FBXO33: variants seen among roughly 807,000 people sequenced by gnomAD.
FBXO33 encodes F-box protein 33.
A neutral mutation model predicts 46.3 loss-of-function variants in FBXO33; 22 were observed. The ratio of observed to expected loss-of-function variants is 0.48; its 90% CI spans 0.34 to 0.68. The LOEUF (loss-of-function observed/expected upper bound fraction) is 0.68, where lower values mean the gene tolerates loss of function less well. Among genes scored for constraint, FBXO33 ranks in the 30% least tolerant of loss-of-function variants. The probability of loss-of-function intolerance (pLI) is 0.01; values close to 1 mark genes in which losing one functional copy is unlikely to be tolerated. For missense variants in FBXO33, 692 were observed against 708.8 expected, an observed-to-expected ratio of 0.98 and a Z score of 0.27; for synonymous variants, 337 against 291.3, an observed-to-expected ratio of 1.16 and a Z score of -1.60.
chr14:39,419,744 A>G (rs1000639076), intron 1 of FBXO33, among the ~76,000 whole-genome samples: 8 of 152,250 alleles, frequency 5.3e-5, no homozygotes, highest in African/African-American at 1.9e-4. Context: ...ACACTTGCTT[A>G]AAAGACATGT....
At chr14:39,424,468 T>C (rs2075501170) in intron 1 of FBXO33, among the ~76,000 whole-genome samples, 1 of 152,132 alleles carries the variant, frequency 6.6e-6, no homozygotes, top group South Asian at 2.1e-4. Flanking sequence ...TTCAAAAATA[T>C]TTGTTGAATA....
intron 1 of FBXO33, among the ~76,000 whole-genome samples, chr14:39,412,966 T>G (rs902258495): frequency 6.6e-6 from 1 of 152,250 alleles, no homozygotes; most frequent in African/African-American, 2.4e-5. Flanking sequence ...CAATATCGGA[T>G]GGCTACTCAC....
At chr14:39,405,063 G>A (rs1157929476) in intron 1 of FBXO33, among the ~76,000 whole-genome samples, 2 of 151,028 alleles carry the variant, frequency 1.3e-5, no homozygotes, top group African/African-American at 4.9e-5. Context: ...CAGGAGAATC[G>A]CGTGAACCTG....
intron 2 of FBXO33, among the ~76,000 whole-genome samples, chr14:39,402,120 T>C (rs551222095): frequency 6.6e-6 from 1 of 152,328 alleles, no homozygotes; most frequent in East Asian, 1.9e-4. Context: ...TATACCCGTT[T>C]AGTAGAAAAG....
intron 1 of FBXO33, among the ~76,000 whole-genome samples, chr14:39,418,793 A>G (rs1190404976): frequency 6.6e-6 from 1 of 151,832 alleles, no homozygotes; most frequent in Non-Finnish European, 1.5e-5. Context: ...AAAAAAACAA[A>G]AAAAAAACAA....
At chr14:39,422,705 T>A (rs1033951877) in intron 1 of FBXO33, among the ~76,000 whole-genome samples, 3 of 152,240 alleles carry the variant, frequency 2.0e-5, no homozygotes, top group Non-Finnish European at 4.4e-5. Context: ...TAAGACAATA[T>A]CTTTTTGACT....
intron 1 of FBXO33, among the ~76,000 whole-genome samples, chr14:39,430,179 G>A (rs1483017128): frequency 6.6e-6 from 1 of 152,168 alleles, no homozygotes; most frequent in Non-Finnish European, 1.5e-5. Context: ...CTCTGAGAAA[G>A]TCTCTAACCT....
chr14:39,409,262 G>T (rs1297054922), intron 1 of FBXO33, among the ~76,000 whole-genome samples: 1 of 151,980 alleles, frequency 6.6e-6, no homozygotes, highest in Non-Finnish European at 1.5e-5. Flanking sequence ...TTGATTTCTG[G>T]CCATGGTCTA....
At chr14:39,427,467 T>C (rs941383787) in intron 1 of FBXO33, among the ~76,000 whole-genome samples, 2 of 152,146 alleles carry the variant, frequency 1.3e-5, no homozygotes, top group Non-Finnish European at 2.9e-5. Context: ...TTAAAGTAAA[T>C]AATAACAAAG....
At chr14:39,426,092 C>T (rs1276418314) in intron 1 of FBXO33, among the ~76,000 whole-genome samples, 1 of 151,882 alleles carries the variant, frequency 6.6e-6, no homozygotes, top group East Asian at 1.9e-4. Context: ...AAAATGAACA[C>T]TTGCGGTTGT....
chr14:39,413,321 A>G (rs1391389581), intron 1 of FBXO33, among the ~76,000 whole-genome samples: 2 of 152,216 alleles, frequency 1.3e-5, no homozygotes, highest in South Asian at 2.1e-4. Context: ...TTATGATGAG[A>G]TTGTAGCAAT....
intron 1 of FBXO33, among the ~76,000 whole-genome samples, chr14:39,426,331 TC>T (rs1420114832): frequency 1.3e-5 from 2 of 152,148 alleles, no homozygotes; most frequent in Non-Finnish European, 2.9e-5. Flanking sequence ...CCACTTTTTT[TC>T]ATCTCTCCTG....
chr14:39,403,744 T>C (rs1326422779), intron 1 of FBXO33, among the ~76,000 whole-genome samples: 2 of 151,494 alleles, frequency 1.3e-5, no homozygotes, highest in Admixed American at 6.6e-5. Context: ...TAATTTCAAT[T>C]AAAAAATGTA....
chr14:39,408,109 T>A (rs956775415), intron 1 of FBXO33, among the ~76,000 whole-genome samples: 1 of 151,910 alleles, frequency 6.6e-6, no homozygotes, highest in South Asian at 2.1e-4. Context: ...CCTGGCTAAC[T>A]TTTTTTGTAT....
intron 1 of FBXO33, among the ~76,000 whole-genome samples, chr14:39,424,259 T>G (rs1233438527): frequency 2.6e-5 from 4 of 152,172 alleles, no homozygotes; most frequent in African/African-American, 9.7e-5. Flanking sequence ...ACTTCCCTAT[T>G]TTAAATAGCA....
Position 39,399,321 on chromosome 14 carries a change from T to A in FBXO33, c.*195A>T. 1 of 483,672 alleles carries A rather than the reference T, an allele frequency of 2.1e-6. No homozygotes were observed. The highest frequency in any genetic ancestry group is 3.6e-6 in the Non-Finnish European group (1 of 276,688). The allele number at this position is 483,672 out of a possible 1,614,324, so 30.0% of individuals were successfully genotyped here. On this transcript the variant is annotated 3_prime_UTR_variant, in exon 4 of 4. Transcript: ENST00000298097. Reference sequence around the variant, plus strand: ...AAGTCCATTAACCGTGAAAGCCCTATACATTGTCACTTTGAACTTCTAAAC... The same window carrying A: ...AAGTCCATTAACCGTGAAAGCCCTAAACATTGTCACTTTGAACTTCTAAAC...
intron 2 of FBXO33, 26 bp from the exon 3 acceptor site, chr14:39,401,887 G>C: frequency 1.3e-6 from 2 of 1,544,594 alleles, no homozygotes; most frequent in Non-Finnish European, 1.8e-6. Context: ...ATGCCACAGT[G>C]ATCCCATTAA....
At chr14:39,427,300 C>T (rs2075520750) in intron 1 of FBXO33, among the ~76,000 whole-genome samples, 1 of 152,154 alleles carries the variant, frequency 6.6e-6, no homozygotes, top group African/African-American at 2.4e-5. Context: ...AGCTTTCCTT[C>T]TCAGTAACTT....
intron 1 of FBXO33, among the ~76,000 whole-genome samples, chr14:39,406,345 G>C (rs1465906777): frequency 1.3e-5 from 2 of 152,070 alleles, no homozygotes; most frequent in African/African-American, 4.8e-5. Context: ...TCATTTATTT[G>C]GTGGTATTAA....
Sources: gnomAD v4.1 joint callset for allele counts (sites outside exome capture counted in the v4.1 genomes callset) on GRCh38, gnomAD v4.1.1 for gene constraint, MANE v1.5 for transcripts, NCBI Gene and HGNC (gene_info 2026-07-23, HGNC 2026-07-21) for gene names.